Variants in TTC28 observed in about 807,000 individuals in gnomAD.
TTC28 encodes the protein tetratricopeptide repeat protein 28.
Under a neutral mutation model 198.0 loss-of-function variants are expected in TTC28, and 61 were observed. That is an observed-to-expected ratio of 0.31 (90% CI 0.25 to 0.38). The LOEUF (loss-of-function observed/expected upper bound fraction) is 0.38, where lower values mean the gene tolerates loss of function less well. Ranked by LOEUF, TTC28 falls within the 10% of genes least tolerant of loss-of-function variation. TTC28 has a pLI of 1.00. For missense variants in TTC28, 2,678 were observed against 3,164.0 expected, an observed-to-expected ratio of 0.85 and a Z score of 3.69; for synonymous variants, 1,171 against 1,297.8, an observed-to-expected ratio of 0.90 and a Z score of 2.10.
chr22:28,380,538 T>C (rs1330229846), intron 2 of TTC28, among the ~76,000 whole-genome samples: 3 of 152,304 alleles, frequency 2.0e-5, no homozygotes, highest in South Asian at 4.1e-4. Flanking sequence ...GTAATTCTTA[T>C]GTTGGGTACA....
At chr22:28,385,960 G>A (rs1381687722) in intron 2 of TTC28, among the ~76,000 whole-genome samples, 4 of 151,958 alleles carry the variant, frequency 2.6e-5, no homozygotes, top group Admixed American at 1.3e-4. Flanking sequence ...TCTAAGCCCC[G>A]CTCGAGTCCC....
At chr22:28,044,437 ATTTTC>A (rs1385433800) in intron 12 of TTC28, among the ~76,000 whole-genome samples, 5 of 151,884 alleles carry the variant, frequency 3.3e-5, no homozygotes, top group Admixed American at 6.6e-5. Context: ...TCTTAAGAGC[ATTTTC>A]TTTTCTTTTT....
intron 1 of TTC28, among the ~76,000 whole-genome samples, chr22:28,631,669 C>A (rs2051175430): frequency 6.6e-6 from 1 of 152,058 alleles, no homozygotes; most frequent in Admixed American, 6.6e-5. Flanking sequence ...GAACCTCAGG[C>A]ATGCACCACC....
At chr22:28,553,155 C>T (rs1436283384) in intron 2 of TTC28, among the ~76,000 whole-genome samples, 1 of 152,106 alleles carries the variant, frequency 6.6e-6, no homozygotes, top group Admixed American at 6.5e-5. Context: ...ACCTCCCAGC[C>T]GCCTGCCTTG....
chr22:28,175,529 C>T lies in TTC28; in HGVS notation c.934-11930G>A, dbSNP rs1041528476. On this transcript the variant is annotated intron_variant, in intron 5 of 22. Transcript: ENST00000397906. ...GGTGGATGCCCTGAGGTCAGGAGTT[C>T]GAGACCAGCCTGGCCAACATGGTGA... Among the ~76,000 whole-genome samples the T allele has an allele frequency of 5.3e-5, 8 of 151,958 alleles. 1 individual carries two copies. Among genetic ancestry groups the T allele is most frequent in the Admixed American group, 2.6e-4 (4 of 15,256 alleles).
intron 6 of TTC28, among the ~76,000 whole-genome samples, chr22:28,161,691 G>C (rs1026391266): frequency 1.3e-5 from 2 of 150,068 alleles, no homozygotes; most frequent in African/African-American, 4.9e-5. Context: ...AGGAAGGAAA[G>C]GAGAGGAGAG....
intron 1 of TTC28, among the ~76,000 whole-genome samples, chr22:28,676,202 C>T (rs987206262): frequency 1.7e-4 from 26 of 152,132 alleles, no homozygotes; most frequent in East Asian, 1.9e-4. Flanking sequence ...TGCTGATATA[C>T]GCTACAGCAT....
chr22:28,404,242 C>A (rs903812504), intron 2 of TTC28, among the ~76,000 whole-genome samples: 3 of 152,050 alleles, frequency 2.0e-5, no homozygotes, highest in African/African-American at 7.2e-5. Flanking sequence ...GCCTCAGCCT[C>A]CCGAGTAGCT....
Position 28,625,673 on chromosome 22 carries a change from A to G in TTC28, c.381+3879T>C, listed in dbSNP as rs73881105. ...ATTAATTTCCAGAAAGGTTTTTTGAAGAAATTGATAAGCTGATTCTACAAC... is the reference window on the plus strand; with the variant it reads ...ATTAATTTCCAGAAAGGTTTTTTGAGGAAATTGATAAGCTGATTCTACAAC... On this transcript the variant is annotated intron_variant, in intron 2 of 22. Coordinates refer to ENST00000397906, the MANE Select transcript of TTC28 (RefSeq NM_001145418.2). Among the ~76,000 whole-genome samples the G allele has an allele frequency of 8.2e-3, 1,245 of 152,320 alleles. 21 individuals carry two copies. The highest frequency in any genetic ancestry group is 0.028 in the African/African-American group (1,185 of 41,580).
At chr22:28,584,024 T>TG (rs746693246) in intron 2 of TTC28, among the ~76,000 whole-genome samples, 3,597 of 150,614 alleles carry the variant, frequency 0.024, 66 homozygotes, top group Non-Finnish European at 0.037. Context: ...TTGTTTTTTT[T>TG]TTTTTTTTTG....
intron 2 of TTC28, among the ~76,000 whole-genome samples, chr22:28,517,888 T>C (rs2048821541): frequency 6.6e-6 from 1 of 152,190 alleles, no homozygotes; most frequent in South Asian, 2.1e-4. Flanking sequence ...TTAAGCAATT[T>C]TTCTCTTGTC....
At chr22:28,233,829 C>T (rs1929007095) in intron 5 of TTC28, among the ~76,000 whole-genome samples, 1 of 152,034 alleles carries the variant, frequency 6.6e-6, no homozygotes, top group Non-Finnish European at 1.5e-5. Flanking sequence ...ACTGCAACTT[C>T]TGCCTCCTGG....
intron 5 of TTC28, among the ~76,000 whole-genome samples, chr22:28,279,016 G>A (rs893503033): frequency 1.3e-5 from 2 of 151,960 alleles, no homozygotes; most frequent in Admixed American, 6.6e-5. Context: ...CCAAGAATTC[G>A]AATCACTAGA....
intron 2 of TTC28, among the ~76,000 whole-genome samples, chr22:28,367,780 T>C (rs914050526): frequency 6.6e-6 from 1 of 151,998 alleles, no homozygotes; most frequent in African/African-American, 2.4e-5. Context: ...GAGGCTGCTA[T>C]GAACAACTAT....
chr22:28,337,023 G>A (rs1391035463), intron 2 of TTC28, among the ~76,000 whole-genome samples: 5 of 152,134 alleles, frequency 3.3e-5, no homozygotes, highest in African/African-American at 1.2e-4. Context: ...GTGTTCCAGA[G>A]ATTCTGGTAT....
intron 2 of TTC28, among the ~76,000 whole-genome samples, chr22:28,312,896 AC>A (rs2045289456): frequency 6.6e-6 from 1 of 152,034 alleles, no homozygotes; most frequent in Non-Finnish European, 1.5e-5. Flanking sequence ...ACACAAAAAA[AC>A]CTTCAAAAAA....
chr22:28,238,215 T>C (rs1233186066), intron 5 of TTC28, among the ~76,000 whole-genome samples: 3 of 152,172 alleles, frequency 2.0e-5, no homozygotes, highest in Non-Finnish European at 4.4e-5. Context: ...TTACATATAT[T>C]CTAGTCTACC....
chr22:28,436,349 T>C (rs1345440237), intron 2 of TTC28, among the ~76,000 whole-genome samples: 3 of 152,180 alleles, frequency 2.0e-5, no homozygotes, highest in Non-Finnish European at 4.4e-5. Flanking sequence ...CCTCAAAACT[T>C]TAAACTGATA....
chr22:28,187,985 G>A (rs2147119282), intron 5 of TTC28, among the ~76,000 whole-genome samples: 1 of 152,306 alleles, frequency 6.6e-6, no homozygotes, highest in South Asian at 2.1e-4. Context: ...AGTTTATTCA[G>A]TTGATGTATT....
Sources: allele counts gnomAD v4.1 joint callset (sites outside exome capture counted in the v4.1 genomes callset), GRCh38; gene constraint gnomAD v4.1.1; transcripts MANE v1.5; gene names NCBI Gene and HGNC (gene_info 2026-07-23, HGNC 2026-07-21).